UPP2: variants seen among roughly 807,000 people sequenced by gnomAD.
UPP2 encodes uridine phosphorylase 2, also known as UPase 2.
Under a neutral mutation model 26.7 loss-of-function variants are expected in UPP2, and 23 were observed. The observed-to-expected ratio is 0.86, with a 90% confidence interval of 0.62 to 1.22. UPP2 has a LOEUF of 1.22. Among genes scored for constraint, UPP2 ranks in the 50% most tolerant of loss-of-function variants. The pLI is 0.00. For synonymous variants in UPP2, 127 were observed against 141.3 expected (o/e 0.90, Z 0.72); for missense variants, 387 against 396.7 (o/e 0.98, Z 0.21).
At chr2:158,000,966 T>TATTAAATCTGAGC (rs1446082190) in intron 2 of UPP2, among the ~76,000 whole-genome samples, 2 of 152,206 alleles carry the variant, frequency 1.3e-5, no homozygotes, top group Non-Finnish European at 2.9e-5. Context: ...AATGTGTTAT[T>TATTAAATCTGAGC]ATTAAATCTG....
chr2:158,117,843 C>G lies in UPP2; in HGVS notation c.359C>G (p.Ser120Cys), dbSNP rs965222613. 3 of 1,612,278 alleles carry G rather than the reference C, an allele frequency of 1.9e-6. No individual in the cohort carries two copies. The highest frequency in any genetic ancestry group is 2.7e-5 in the African/African-American group (2 of 74,986). Reference protein sequence around the residue: ...LAISHGMGIPSISIMLHELIK... With the variant: ...LAISHGMGIPCISIMLHELIK... ...CAATAGCACGGCATGGGCATCCCCT[C>G]CATTTCTATTATGCTTCATGAACTC... Residue 120 changes from serine (S) to cysteine (C), a missense_variant, in exon 4 of 7, where the codon TCC (serine) becomes TGC (cysteine). Ser to Cys is a moderately radical substitution (Grantham distance 112). Coordinates refer to ENST00000005756, the MANE Select transcript of UPP2 (RefSeq NM_173355.4).
At position 158,134,993 on chromosome 2, in the gene UPP2, A is replaced by G. The variant is rs911709407; in HGVS notation, c.*103A>G. 1.7e-5 allele frequency: 23 copies of G among 1,326,030 alleles called. No homozygotes were observed. Among genetic ancestry groups the G allele is most frequent in the Non-Finnish European group, 2.3e-5 (23 of 1,006,088 alleles). The allele number at this position is 1,326,030 out of a possible 1,614,324, so 82.1% of individuals were successfully genotyped here. A position where few individuals can be genotyped will look rare whatever the true frequency, so the allele number is the denominator to read the frequency against. Reference sequence around the variant, plus strand: ...TGGCATTTTTATATAGTTCTCATCCACATGCTAAATGGAAAGACTTTATGA... The same window carrying G: ...TGGCATTTTTATATAGTTCTCATCCGCATGCTAAATGGAAAGACTTTATGA... On this transcript the variant is annotated 3_prime_UTR_variant, in exon 7 of 7. Coordinates refer to ENST00000005756, the MANE Select transcript of UPP2 (RefSeq NM_173355.4).
intron 2 of UPP2, among the ~76,000 whole-genome samples, chr2:158,003,122 G>T (rs1244435888): frequency 2.0e-5 from 3 of 152,164 alleles, no homozygotes; most frequent in Non-Finnish European, 4.4e-5. Context: ...AGCTGTCTTT[G>T]TCAGGGATGG....
chr2:158,043,965 C>T (rs1310069864), intron 3 of UPP2, among the ~76,000 whole-genome samples: 1 of 152,184 alleles, frequency 6.6e-6, no homozygotes, highest in East Asian at 1.9e-4. Context: ...GCCCACCTCA[C>T]AGGGGTGGAG....
chr2:158,036,613 G>A (rs1684004163), intron 3 of UPP2, among the ~76,000 whole-genome samples: 1 of 152,164 alleles, frequency 6.6e-6, no homozygotes, highest in South Asian at 2.1e-4. Flanking sequence ...ATAAGCTGGT[G>A]TAAGTAAGGC....
chr2:158,109,160 A>C (rs1471853306), intron 2 of UPP2, among the ~76,000 whole-genome samples: 1 of 152,122 alleles, frequency 6.6e-6, no homozygotes, highest in Non-Finnish European at 1.5e-5. Flanking sequence ...CTAAGAAAAG[A>C]GGACATAATC....
intron 3 of UPP2, among the ~76,000 whole-genome samples, chr2:158,053,170 G>A (rs992460136): frequency 2.0e-5 from 3 of 152,202 alleles, no homozygotes; most frequent in Non-Finnish European, 4.4e-5. Context: ...ACTGTGTGTG[G>A]TGAATAACAA....
intron 3 of UPP2, among the ~76,000 whole-genome samples, chr2:158,034,278 G>C (rs6758681): frequency 0.093 from 14,121 of 152,202 alleles, 742 homozygotes; most frequent in Middle Eastern, 0.15. Context: ...GTGGGGAGGA[G>C]GTACGTTTTC....
rs1408079817 is a variant in UPP2 at position 158,121,637 on chromosome 2, CTG to C, written c.664+22_664+23del. On this transcript the variant is annotated intron_variant, in intron 5 of 6. Coordinates refer to ENST00000005756, the MANE Select transcript of UPP2 (RefSeq NM_173355.4). Reference sequence around the variant, plus strand: ...TATGAAGGTGAGAACAATTTATAAACTGTGAAGGAAACAGAAAAATGCCAGCA... The same window carrying C: ...TATGAAGGTGAGAACAATTTATAAACTGAAGGAAACAGAAAAATGCCAGCA... 1 of 1,596,090 alleles carries C rather than the reference CTG, an allele frequency of 6.3e-7. No individual in the cohort carries two copies. The highest frequency in any genetic ancestry group is 1.1e-5 in the South Asian group (1 of 90,648).
chr2:157,996,004 A>G (rs1472914164), intron 2 of UPP2, among the ~76,000 whole-genome samples: 1 of 152,216 alleles, frequency 6.6e-6, no homozygotes, highest in Non-Finnish European at 1.5e-5. Context: ...TTTTACCAGT[A>G]TATAGTCCCA....
intron 3 of UPP2, among the ~76,000 whole-genome samples, chr2:158,081,541 T>C (rs1682727192): frequency 6.6e-6 from 1 of 152,154 alleles, no homozygotes; most frequent in African/African-American, 2.4e-5. Flanking sequence ...GCACTGTTCA[T>C]AATAGCCAAG....
chr2:158,014,582 T>C (rs1683630891), intron 2 of UPP2, among the ~76,000 whole-genome samples: 3 of 152,236 alleles, frequency 2.0e-5, no homozygotes, highest in African/African-American at 7.2e-5. Context: ...AATAAATGCT[T>C]CTTTTGCTGC....
chr2:157,997,004 C>A (rs1296440054), intron 2 of UPP2, among the ~76,000 whole-genome samples: 1 of 152,166 alleles, frequency 6.6e-6, no homozygotes, highest in East Asian at 1.9e-4. Flanking sequence ...ACCAACTTGA[C>A]CTTTGACTTT....
Position 158,131,963 on chromosome 2 carries a change from G to A in UPP2, c.812-2785G>A, listed in dbSNP as rs146244680. Among the ~76,000 whole-genome samples the A allele has an allele frequency of 3.3e-5, 5 of 152,176 alleles. No individual in the cohort carries two copies. In the East Asian group the frequency reaches 5.8e-4, roughly 18 times the overall value. ...TCCAGAAAAGACATTTAGTAAAGTCGGTTCCCACTCTGTAAAAAGTATAGA... is the reference window on the plus strand; with the variant it reads ...TCCAGAAAAGACATTTAGTAAAGTCAGTTCCCACTCTGTAAAAAGTATAGA... On this transcript the variant is annotated intron_variant, in intron 6 of 6. Coordinates refer to ENST00000005756, the MANE Select transcript of UPP2 (RefSeq NM_173355.4).
At chr2:158,090,707 A>C (rs548845219) in intron 3 of UPP2, among the ~76,000 whole-genome samples, 8 of 152,222 alleles carry the variant, frequency 5.3e-5, no homozygotes, top group Non-Finnish European at 1.2e-4. Flanking sequence ...CCTAACAGAC[A>C]TAAAAGGAGT....
In UPP2 at chr2:158,134,763, T is replaced by A. The variant is rs755603450; in HGVS notation, c.827T>A (p.Val276Glu). ...GCTCTTCTAGCTGCTGTGGTCTGTG[T>A]GACACTTCTCGACAGACTCGACTGT... ...LCGLKAAVVC[V>E]TLLDRLDCDQ... The change falls in exon 7 of 7, where the codon GTG becomes GAG. Residue 276 changes from valine (V) to glutamate (E), a missense_variant. Coordinates refer to ENST00000005756, the MANE Select transcript of UPP2 (RefSeq NM_173355.4). The A allele has an allele frequency of 6.2e-7, 1 of 1,611,718 alleles. No individual in the cohort carries two copies. Among genetic ancestry groups the A allele is most frequent in the East Asian group, 2.2e-5 (1 of 44,694 alleles).
At chr2:158,056,190 G>GT (rs1682242698) in intron 3 of UPP2, among the ~76,000 whole-genome samples, 1 of 151,874 alleles carries the variant, frequency 6.6e-6, no homozygotes, top group Admixed American at 6.6e-5. Context: ...TAAGAAAAAG[G>GT]TTCTTTTAAA....
intron 3 of UPP2, among the ~76,000 whole-genome samples, chr2:158,096,227 G>T (rs1682983097): frequency 6.6e-6 from 1 of 152,186 alleles, no homozygotes. Flanking sequence ...AAAAGCCAGG[G>T]AAGTTGTAAG....
intron 2 of UPP2, among the ~76,000 whole-genome samples, chr2:158,011,430 A>C (rs565528566): frequency 6.6e-6 from 1 of 152,172 alleles, no homozygotes; most frequent in South Asian, 2.1e-4. Context: ...ATCTGGGCTC[A>C]TGGCTCTCTA....
Sources: gnomAD v4.1 joint callset for allele counts (sites outside exome capture counted in the v4.1 genomes callset) on GRCh38, gnomAD v4.1.1 for gene constraint, MANE v1.5 for transcripts, NCBI Gene and HGNC (gene_info 2026-07-23, HGNC 2026-07-21) for gene names.